FGF1: variants seen among roughly 807,000 people sequenced by gnomAD.
FGF1 encodes the protein beta-endothelial cell growth factor.
In FGF1, 9 loss-of-function variants were observed where a neutral mutation model predicts 13.4. That is an observed-to-expected ratio of 0.67 (90% CI 0.40 to 1.17). FGF1 has a LOEUF of 1.17. FGF1 is among the 50% of genes most tolerant of loss of function. The probability of loss-of-function intolerance (pLI) is 0.01; values close to 1 mark genes in which losing one functional copy is unlikely to be tolerated. For missense variants in FGF1, 156 were observed against 192.7 expected, an observed-to-expected ratio of 0.81 and a Z score of 1.13; for synonymous variants, 93 against 79.0, an observed-to-expected ratio of 1.18 and a Z score of -0.94.
At chr5:142,600,828 A>G in intron 2 of FGF1, 23 bp from the exon 3 acceptor site, 1 of 1,555,318 alleles carries the variant, frequency 6.4e-7, no homozygotes, top group Non-Finnish European at 8.8e-7. Context: ...TAACACGAGC[A>G]AAAGTAAATA....
intron 2 of FGF1, among the ~76,000 whole-genome samples, chr5:142,692,327 A>G (rs1290015057): frequency 1.3e-5 from 2 of 152,150 alleles, no homozygotes; most frequent in African/African-American, 4.8e-5. Context: ...ACAGAGAAAG[A>G]CCCTGTCTCA....
intron 1 of FGF1, among the ~76,000 whole-genome samples, chr5:142,651,232 C>T (rs551513845): frequency 6.6e-6 from 1 of 152,168 alleles, no homozygotes; most frequent in Non-Finnish European, 1.5e-5. Context: ...GAACCCACCA[C>T]GACTTGCCTA....
chr5:142,622,670 A>T (rs1761840838), intron 1 of FGF1, among the ~76,000 whole-genome samples: 1 of 152,182 alleles, frequency 6.6e-6, no homozygotes, highest in Non-Finnish European at 1.5e-5. Flanking sequence ...GGCTTTTTTT[A>T]TTTCTGCCAC....
At chr5:142,693,872 A>G (rs754672889) in intron 2 of FGF1, among the ~76,000 whole-genome samples, 9 of 152,148 alleles carry the variant, frequency 5.9e-5, no homozygotes, top group Admixed American at 2.0e-4. Context: ...TTATTGCTGA[A>G]TAATATTTCA....
At chr5:142,693,361 G>A (rs1371175346) in intron 2 of FGF1, among the ~76,000 whole-genome samples, 1 of 151,950 alleles carries the variant, frequency 6.6e-6, no homozygotes, top group African/African-American at 2.4e-5. Context: ...AGTGATCTTG[G>A]CTCACTGCAA....
upstream of FGF1, among the ~76,000 whole-genome samples, chr5:142,688,627 TA>T (rs1751644766): frequency 6.6e-6 from 1 of 152,208 alleles, no homozygotes; most frequent in African/African-American, 2.4e-5. Context: ...TCTGCCCTGA[TA>T]AAACCTTGTA....
intron 1 of FGF1, chr5:142,621,297 C>T (rs1450902118): frequency 3.9e-5 from 6 of 152,174 alleles, no homozygotes; most frequent in African/African-American, 1.4e-4. Context: ...TCATACTCAC[C>T]CAGGTCTTAG....
intron 1 of FGF1, among the ~76,000 whole-genome samples, chr5:142,658,085 C>T (rs556091000): frequency 1.4e-4 from 22 of 152,340 alleles, no homozygotes; most frequent in African/African-American, 5.1e-4. Context: ...GGACGTCTTG[C>T]ATTCTCCTTC....
intron 1 of FGF1, among the ~76,000 whole-genome samples, chr5:142,621,065 C>G (rs991080853): frequency 6.6e-6 from 1 of 152,178 alleles, no homozygotes; most frequent in African/African-American, 2.4e-5. Flanking sequence ...CCCACCTTTC[C>G]AGCACTGCCT....
At chr5:142,615,675 G>A (rs1196244734) in intron 1 of FGF1, among the ~76,000 whole-genome samples, 1 of 152,194 alleles carries the variant, frequency 6.6e-6, no homozygotes. Context: ...CCTTGAAGTG[G>A]ACACTAATAT....
chr5:142,614,021 T>C lies in FGF1; in HGVS notation c.107A>G (p.His36Arg). ...PKLLYCSNGGHFLRILPDGTV... is the reference protein window; with the variant it reads ...PKLLYCSNGGRFLRILPDGTV... ...GCCATCCGGAAGGATCCTCAGGAAG[T>C]GGCCCCCGTTGCTACAGTAGAGGAG... Residue 36 changes from histidine to arginine, a missense_variant, in exon 2 of 4, where the codon CAC (histidine) becomes CGC (arginine). Coordinates refer to ENST00000337706, the MANE Select transcript of FGF1 (RefSeq NM_000800.5). The C allele has an allele frequency of 6.2e-7, 1 of 1,614,152 alleles. No individual in the cohort carries two copies. Among genetic ancestry groups the C allele is most frequent in the East Asian group, 2.2e-5 (1 of 44,876 alleles).
chr5:142,689,148 T>G (rs1751730109), upstream of FGF1, among the ~76,000 whole-genome samples: 1 of 152,232 alleles, frequency 6.6e-6, no homozygotes, highest in African/African-American at 2.4e-5. Context: ...TTCCCCTTCA[T>G]TCATCCTGTT....
chr5:142,594,538 G>A lies in FGF1; in HGVS notation c.*752C>T, dbSNP rs1754868207. 6.6e-6 allele frequency: 1 copy of A among 152,210 alleles called. No individual in the cohort carries two copies. Among genetic ancestry groups the A allele is most frequent in the Admixed American group, 6.6e-5 (1 of 15,266 alleles). 9.4% of individuals were successfully genotyped at this position (152,210 alleles called of 1,614,324 possible). On this transcript the variant is annotated 3_prime_UTR_variant, in exon 4 of 4. Coordinates refer to ENST00000337706, the MANE Select transcript of FGF1 (RefSeq NM_000800.5). ...AGATCCACATGAATTTCCCAGCTCT[G>A]ATATCCTTGCTTGTTATCAGGAAAC...
chr5:142,601,194 C>T, intron 2 of FGF1: 1 of 479,970 alleles, frequency 2.1e-6, no homozygotes, highest in South Asian at 1.5e-5. Flanking sequence ...TCTTGGGATG[C>T]CATAGAGTAG....
chr5:142,642,398 G>A lies in FGF1; in HGVS notation c.-34-28237C>T, dbSNP rs74868450. Among the ~76,000 whole-genome samples the A allele has an allele frequency of 9.2e-5, 14 of 152,240 alleles. No homozygotes were observed. The East Asian group carries it at 2.3e-3, about 25-fold the overall frequency. ...AAGGCCTGAGGGGATAGTTCTGTGG[G>A]GCCTTTTCAGGGTCAGAAAACTCAC... On this transcript the variant is annotated intron_variant, in intron 1 of 3. Transcript: ENST00000337706.
intron 1 of FGF1, chr5:142,680,608 G>A (rs1265789879): frequency 6.6e-6 from 1 of 152,156 alleles, no homozygotes; most frequent in Non-Finnish European, 1.5e-5. Context: ...AAGATTAAAT[G>A]AGAGACTAGC....
chr5:142,630,975 A>C (rs2151926121), intron 1 of FGF1, among the ~76,000 whole-genome samples: 1 of 152,236 alleles, frequency 6.6e-6, no homozygotes, highest in East Asian at 1.9e-4. Context: ...GCTGGAGGAC[A>C]GAAGCCATGT....
chr5:142,607,297 A>G (rs1757898520), intron 2 of FGF1, among the ~76,000 whole-genome samples: 1 of 152,126 alleles, frequency 6.6e-6, no homozygotes, highest in African/African-American at 2.4e-5. Flanking sequence ...ATACCCCCCG[A>G]CCAGGTTAGC....
At position 142,595,477 on chromosome 5, in the gene FGF1, G is replaced by C; in HGVS notation, c.281C>G (p.Pro94Arg). 1.2e-6 allele frequency: 2 copies of C among 1,612,962 alleles called. No individual in the cohort carries two copies. Among genetic ancestry groups the C allele is most frequent in the Non-Finnish European group, 1.7e-6 (2 of 1,179,470 alleles). The part of the protein sequence containing the change: ...TDGLLYGSQT[P>R]NEECLFLERL... ...TTCCAGGAACAAACATTCCTCATTT[G>C]GTGTCTGCTAAAAAGATAAAACCAA... The change falls in exon 4 of 4, where the codon CCA (proline) becomes CGA (arginine). Residue 94 changes from proline to arginine, a missense_variant. Pro to Arg is a moderately radical substitution (Grantham distance 103). Transcript: ENST00000337706.
Sources: gnomAD v4.1 joint callset for allele counts (sites outside exome capture counted in the v4.1 genomes callset) on GRCh38, gnomAD v4.1.1 for gene constraint, MANE v1.5 for transcripts, NCBI Gene and HGNC (gene_info 2026-07-23, HGNC 2026-07-21) for gene names.